Variants in GRIN2B observed in about 807,000 individuals in gnomAD.
GRIN2B encodes glutamate ionotropic receptor NMDA type subunit 2B, also known as glutamate receptor ionotropic, NMDA 2B.
A neutral mutation model predicts 114.5 loss-of-function variants in GRIN2B; 5 were observed. The observed-to-expected ratio is 0.04, with a 90% confidence interval of 0.02 to 0.09. The LOEUF is 0.09. Ranked by LOEUF, GRIN2B falls within the 10% of genes least tolerant of loss-of-function variation. The probability of loss-of-function intolerance (pLI) is 1.00; values close to 1 mark genes in which losing one functional copy is unlikely to be tolerated. For synonymous variants in GRIN2B, 787 were observed against 745.1 expected, an observed-to-expected ratio of 1.06 and a Z score of -0.92; for missense variants, 1,108 against 1,943.5, an observed-to-expected ratio of 0.57 and a Z score of 8.08.
At chr12:13,858,217 GACTA>G (rs1434305618) in intron 3 of GRIN2B, among the ~76,000 whole-genome samples, 1 of 152,148 alleles carries the variant, frequency 6.6e-6, no homozygotes, top group African/African-American at 2.4e-5. Context: ...CATATAAAGT[GACTA>G]ACTCAGAGTT....
At chr12:13,635,707 T>C (rs1788030470) in intron 5 of GRIN2B, among the ~76,000 whole-genome samples, 1 of 152,206 alleles carries the variant, frequency 6.6e-6, no homozygotes, top group Non-Finnish European at 1.5e-5. Context: ...TTCTGTTTCA[T>C]TTAGGCAGTT....
intron 3 of GRIN2B, among the ~76,000 whole-genome samples, chr12:13,815,383 A>G (rs1447981830): frequency 6.6e-6 from 1 of 152,194 alleles, no homozygotes; most frequent in Non-Finnish European, 1.5e-5. Flanking sequence ...AAGAAAAAAA[A>G]AAAAGACATA....
At chr12:13,802,826 G>A (rs1176621299) in intron 3 of GRIN2B, among the ~76,000 whole-genome samples, 1 of 151,968 alleles carries the variant, frequency 6.6e-6, no homozygotes, top group Non-Finnish European at 1.5e-5. Context: ...TTTTTTCCTT[G>A]TCTTCTAGTT....
At chr12:13,598,926 G>C (rs1192405727) in intron 10 of GRIN2B, among the ~76,000 whole-genome samples, 2 of 152,154 alleles carry the variant, frequency 1.3e-5, no homozygotes. Context: ...CCGAGGTCTT[G>C]AGCCTCCTCC....
chr12:13,591,541 C>T (rs951785451), intron 10 of GRIN2B, among the ~76,000 whole-genome samples: 4 of 152,272 alleles, frequency 2.6e-5, no homozygotes, highest in East Asian at 3.9e-4. Flanking sequence ...GATCACATAG[C>T]TTCTTGTCTT....
At chr12:13,953,164 G>A (rs1489606364) in intron 2 of GRIN2B, among the ~76,000 whole-genome samples, 2 of 152,010 alleles carry the variant, frequency 1.3e-5, no homozygotes, top group Non-Finnish European at 2.9e-5. Context: ...CTGTCTGTGT[G>A]GCTTCTCACA....
intron 2 of GRIN2B, among the ~76,000 whole-genome samples, chr12:13,955,286 C>A (rs542645626): frequency 6.6e-6 from 1 of 152,146 alleles, no homozygotes; most frequent in Non-Finnish European, 1.5e-5. Flanking sequence ...CATGCTATTT[C>A]TTGTAGCAGG....
chr12:13,594,564 A>G (rs912672397), intron 10 of GRIN2B, among the ~76,000 whole-genome samples: 4 of 152,074 alleles, frequency 2.6e-5, no homozygotes, highest in Middle Eastern at 3.4e-3. Context: ...TAGGAGAAAT[A>G]CCTAATGTAG....
intron 2 of GRIN2B, among the ~76,000 whole-genome samples, chr12:13,954,896 G>T (rs891168717): frequency 1.3e-5 from 2 of 149,104 alleles, no homozygotes; most frequent in African/African-American, 4.9e-5. Context: ...GTTGCAAAAG[G>T]GAAGAAAAAT....
At chr12:13,799,183 C>T (rs1307372574) in intron 3 of GRIN2B, among the ~76,000 whole-genome samples, 2 of 152,150 alleles carry the variant, frequency 1.3e-5, no homozygotes, top group Non-Finnish European at 2.9e-5. Context: ...ACACCTGCTC[C>T]TTAAGAATCA....
intron 13 of GRIN2B, among the ~76,000 whole-genome samples, chr12:13,566,638 T>G (rs1806192): frequency 0.74 from 112,882 of 152,152 alleles, 43,476 homozygotes; most frequent in South Asian, 0.92. Flanking sequence ...ATAAGAGAGA[T>G]ATGTTACATA....
rs376489938 is a variant in GRIN2B, at chr12:13,635,095, T to C, written c.1126-18438A>G. Among the ~76,000 whole-genome samples the C allele has an allele frequency of 6.6e-5, 10 of 152,304 alleles. No homozygotes were observed. The South Asian group carries it at 1.9e-3, about 28-fold the overall frequency. ...TGGCACTGCCCAGAGAGTGATAGAT[T>C]TCATTCAGGTGCCTGGGCCAACAGA... On this transcript the variant is annotated intron_variant, in intron 5 of 13. Transcript: ENST00000609686.
chr12:13,576,979 G>A (rs936369619), intron 10 of GRIN2B, among the ~76,000 whole-genome samples: 21 of 152,166 alleles, frequency 1.4e-4, no homozygotes, highest in African/African-American at 5.1e-4. Flanking sequence ...GACAGGACAG[G>A]CCCCATTTCA....
intron 10 of GRIN2B, among the ~76,000 whole-genome samples, chr12:13,598,408 C>G (rs1196450106): frequency 6.6e-6 from 1 of 152,190 alleles, no homozygotes; most frequent in Middle Eastern, 3.2e-3. Flanking sequence ...ACAGATCTAT[C>G]TGGCCATTGT....
intron 4 of GRIN2B, among the ~76,000 whole-genome samples, chr12:13,746,803 G>T (rs1287772367): frequency 6.6e-6 from 1 of 152,138 alleles, no homozygotes; most frequent in African/African-American, 2.4e-5. Flanking sequence ...GTGAGAGCTG[G>T]TTATTTGAAG....
At chr12:13,772,859 G>A (rs1863931477) in intron 3 of GRIN2B, among the ~76,000 whole-genome samples, 1 of 151,944 alleles carries the variant, frequency 6.6e-6, no homozygotes, top group East Asian at 1.9e-4. Context: ...CTATTTCTCA[G>A]GATCAAAGCC....
At chr12:13,964,954 G>C (rs1427046363) in intron 2 of GRIN2B, among the ~76,000 whole-genome samples, 1 of 152,146 alleles carries the variant, frequency 6.6e-6, no homozygotes, top group South Asian at 2.1e-4. Flanking sequence ...TGTTAATATA[G>C]GTTGGGTCCA....
intron 3 of GRIN2B, among the ~76,000 whole-genome samples, chr12:13,802,377 T>C (rs1565542729): frequency 6.6e-6 from 1 of 152,244 alleles, no homozygotes; most frequent in South Asian, 2.1e-4. Context: ...CACATACTAG[T>C]TTAAAATTAA....
At chr12:13,735,906 T>TC (rs1446893659) in intron 4 of GRIN2B, among the ~76,000 whole-genome samples, 1 of 150,996 alleles carries the variant, frequency 6.6e-6, no homozygotes, top group African/African-American at 2.4e-5. Flanking sequence ...GATTTTTTTT[T>TC]TTGGAAAAAA....
Sources: allele counts gnomAD v4.1 joint callset (sites outside exome capture counted in the v4.1 genomes callset), GRCh38; gene constraint gnomAD v4.1.1; transcripts MANE v1.5; gene names NCBI Gene and HGNC (gene_info 2026-07-23, HGNC 2026-07-21).